The following LPIN2 variants were observed in gnomAD, a reference collection of about 807,000 sequenced individuals.
LPIN2 encodes the protein phosphatidate phosphatase LPIN2.
Under a neutral mutation model 111.4 loss-of-function variants are expected in LPIN2, and 55 were observed. That is an observed-to-expected ratio of 0.49 (90% CI 0.40 to 0.62). LPIN2 has a LOEUF of 0.62. LPIN2 is among the 20% of genes least tolerant of loss of function. The pLI is 0.00. For missense variants in LPIN2, 992 were observed against 1,112.1 expected, an observed-to-expected ratio of 0.89 and a Z score of 1.54; for synonymous variants, 425 against 414.0, an observed-to-expected ratio of 1.03 and a Z score of -0.32.
intron 1 of LPIN2, among the ~76,000 whole-genome samples, chr18:3,000,433 T>C (rs974230239): frequency 3.9e-5 from 6 of 152,242 alleles, no homozygotes; most frequent in Non-Finnish European, 1.5e-5. Flanking sequence ...ACCTGCACTG[T>C]TGTGGGCTCC....
At chr18:2,962,474 T>C (rs1353957650) in intron 1 of LPIN2, among the ~76,000 whole-genome samples, 1 of 152,086 alleles carries the variant, frequency 6.6e-6, no homozygotes, top group Non-Finnish European at 1.5e-5. Flanking sequence ...TAATCATTTA[T>C]TGAATGAATG....
At chr18:2,920,536 T>C in intron 19 of LPIN2, 99 bp from the exon 20 acceptor site, 1 of 1,365,758 alleles carries the variant, frequency 7.3e-7, no homozygotes, top group Non-Finnish European at 1.0e-6. Context: ...ATTGCTCAGG[T>C]GGGCAGGTTC....
Position 2,937,806 on chromosome 18 carries a change from T to C in LPIN2, c.1054A>G (p.Ser352Gly). The C allele has an allele frequency of 6.2e-7, 1 of 1,614,122 alleles. No homozygotes were observed. Among genetic ancestry groups the C allele is most frequent in the African/African-American group, 1.3e-5 (1 of 75,026 alleles). The change falls in exon 7 of 20, where the codon AGT becomes GGT. Residue 352 changes from serine to glycine, a missense_variant. Transcript: ENST00000677752. Reference sequence around the variant, plus strand: ...TCTAACATAGATGAAATCTGAGTACTCTCAAGAGGAGGTTCGAGAAGCTCT... The same window carrying C: ...TCTAACATAGATGAAATCTGAGTACCCTCAAGAGGAGGTTCGAGAAGCTCT... ...VAELLEPPLE[S>G]TQISSMLDAD...
rs146555434 is a variant in LPIN2, at chr18:2,978,144, G to A, written c.-9-17295C>T. On this transcript the variant is annotated intron_variant, in intron 1 of 19. Transcript: ENST00000677752. ...GGAGGCTGAAGTGAGCCAAGACTGC[G>A]CCACTGCACTCCAGCCTGGGCGACA... 7.9e-3 allele frequency among the ~76,000 whole-genome samples: 1,199 copies of A among 151,984 alleles called. 7 individuals carry two copies. Among genetic ancestry groups the A allele is most frequent in the Non-Finnish European group, 0.01 (694 of 67,986 alleles).
At chr18:2,928,348 T>C (rs1429713887) in intron 11 of LPIN2, among the ~76,000 whole-genome samples, 1 of 152,136 alleles carries the variant, frequency 6.6e-6, no homozygotes, top group Non-Finnish European at 1.5e-5. Context: ...TTACAGACCA[T>C]CAGAAACTAG....
At chr18:2,998,726 A>G (rs909753610) in intron 1 of LPIN2, among the ~76,000 whole-genome samples, 5 of 152,168 alleles carry the variant, frequency 3.3e-5, no homozygotes, top group Non-Finnish European at 7.3e-5. Flanking sequence ...CTCATATCTG[A>G]AAAAAGAAAT....
chr18:2,932,570 G>A (rs1598533136), intron 8 of LPIN2, among the ~76,000 whole-genome samples: 2 of 152,346 alleles, frequency 1.3e-5, no homozygotes, highest in Admixed American at 1.3e-4. Flanking sequence ...CAGCAGAACT[G>A]TTGTTATACT....
intron 4 of LPIN2, among the ~76,000 whole-genome samples, chr18:2,943,916 T>C (rs2077404802): frequency 6.6e-6 from 1 of 152,246 alleles, no homozygotes; most frequent in Admixed American, 6.5e-5. Context: ...ATATGCTTTA[T>C]TAACGAAAAT....
intron 1 of LPIN2, among the ~76,000 whole-genome samples, chr18:2,987,629 T>C (rs2078205179): frequency 6.6e-6 from 1 of 152,202 alleles, no homozygotes; most frequent in African/African-American, 2.4e-5. Flanking sequence ...TGGTGATGGT[T>C]GTTTAAATTA....
intron 3 of LPIN2, among the ~76,000 whole-genome samples, chr18:2,953,840 TAATA>T (rs775801771): frequency 1.3e-4 from 20 of 152,180 alleles, no homozygotes; most frequent in Non-Finnish European, 2.2e-4. Flanking sequence ...AATCTATTAT[TAATA>T]AATAAATAAA....
Position 2,918,796 on chromosome 18 carries a change from G to A in LPIN2, c.*1497C>T, listed in dbSNP as rs1321388898. 6.6e-6 allele frequency: 1 copy of A among 152,164 alleles called. No homozygotes were observed. The allele number at this position is 152,164 out of a possible 1,614,324, so 9.4% of individuals were successfully genotyped here. A position where few individuals can be genotyped will look rare whatever the true frequency, so the allele number is the denominator to read the frequency against. Reference sequence around the variant, plus strand: ...AACCACCCCTATTTCTCTATCTCTAGATCAGCATTATTTTAGGTGAAGCAA... The same window carrying A: ...AACCACCCCTATTTCTCTATCTCTAAATCAGCATTATTTTAGGTGAAGCAA... On this transcript the variant is annotated 3_prime_UTR_variant, in exon 20 of 20. Coordinates refer to ENST00000677752, the MANE Select transcript of LPIN2 (RefSeq NM_001375808.2).
At chr18:2,934,477 GAATTT>G (rs952261465) in intron 7 of LPIN2, 27 bp from the exon 8 acceptor site, 1 of 1,439,120 alleles carries the variant, frequency 6.9e-7, no homozygotes, top group Non-Finnish European at 9.8e-7. Context: ...TCAGAGGTAA[GAATTT>G]AGTTATTCTT....
chr18:2,933,890 G>A (rs150897840), intron 8 of LPIN2, among the ~76,000 whole-genome samples: 1,892 of 152,340 alleles, frequency 0.012, 28 homozygotes, highest in Middle Eastern at 0.044. Flanking sequence ...GACACGGGGC[G>A]CGGGGGCAGT....
chr18:2,982,783 T>C, intron 1 of LPIN2: 1 of 1,196,304 alleles, frequency 8.4e-7, no homozygotes, highest in Non-Finnish European at 1.1e-6. Context: ...GAAATTTAAC[T>C]AGCATGTCTT....
intron 14 of LPIN2, 77 bp from the exon 15 acceptor site, chr18:2,924,623 T>C (rs911381348): frequency 2.0e-6 from 3 of 1,471,026 alleles, no homozygotes; most frequent in Non-Finnish European, 2.8e-6. Context: ...ACAGAACAAC[T>C]GGTGTCTCGG....
Position 2,960,739 on chromosome 18 carries a change from G to A in LPIN2, c.102C>T (p.Ile34=), listed in dbSNP as rs961211983. ...AGCTGCCATCCTGCTGCTGTACCAC[G>A]ATGACATCAATGCACCCAGAGAGGG... ...QATLSGCIDV[I]VVQQQDGSYQ... is the part of the protein sequence containing the mutation. Residue 34 remains isoleucine, a synonymous_variant, in exon 2 of 20, where the codon ATC becomes ATT. Transcript: ENST00000677752. The A allele has an allele frequency of 3.7e-6, 6 of 1,614,066 alleles. No individual in the cohort carries two copies. The African/African-American group carries it at 4.0e-5, about 11-fold the overall frequency.
At chr18:2,981,660 C>T (rs545732616) in intron 1 of LPIN2, among the ~76,000 whole-genome samples, 8 of 152,292 alleles carry the variant, frequency 5.3e-5, no homozygotes, top group Non-Finnish European at 1.2e-4. Context: ...ATGTTGATTT[C>T]AAAAGCAAAC....
intron 4 of LPIN2, chr18:2,946,614 G>A (rs1336818882): frequency 5.1e-6 from 4 of 782,590 alleles, no homozygotes; most frequent in Non-Finnish European, 6.8e-6. Context: ...CGTGTTGCTA[G>A]CACCAGTCTC....
chr18:2,925,443 G>T lies in LPIN2; in HGVS notation c.1794-75C>A, dbSNP rs759174493. On this transcript the variant is annotated intron_variant, in intron 13 of 19. Transcript: ENST00000677752. The surrounding 1 kb of genome is among the most constrained non-coding windows in gnomAD (Gnocchi z 4.1). ...ATGAGAGCTTTTCATTTAGGATCAA[G>T]AAAATAAAGATATCCTAAATCTTTT... The T allele has an allele frequency of 6.3e-7, 1 of 1,581,800 alleles. No homozygotes were observed. The highest frequency in any genetic ancestry group is 2.2e-5 in the East Asian group (1 of 44,710).
Sources: allele counts gnomAD v4.1 joint callset (sites outside exome capture counted in the v4.1 genomes callset), GRCh38; gene constraint gnomAD v4.1.1; non-coding constraint Gnocchi (gnomAD v3.1); transcripts MANE v1.5; gene names NCBI Gene and HGNC (gene_info 2026-07-23, HGNC 2026-07-21).